MILR1: variants seen among roughly 807,000 people sequenced by gnomAD.
MILR1 encodes the protein allergin-1.
Under a neutral mutation model 18.5 loss-of-function variants are expected in MILR1, and 31 were observed. The observed-to-expected ratio is 1.68, with a 90% CI of 1.26 to 2.26. The LOEUF is 2.26. Ranked by LOEUF, MILR1 falls within the 30% of genes most tolerant of loss-of-function variation. The pLI, the probability that MILR1 is intolerant of heterozygous loss-of-function variation, is 0.00. For synonymous variants in MILR1, 85 were observed against 56.2 expected (o/e 1.51, Z -2.30); for missense variants, 257 against 157.4 (o/e 1.63, Z -3.38).
chr17:64,485,224 G>A, the MILR1 span: 246 of 156,154 alleles, frequency 1.6e-3, 1 homozygote, highest in African/African-American at 3.9e-3. Context: ...TTCTCCTCTC[G>A]ATTTTCTTTG....
intron 3 of MILR1, among the ~76,000 whole-genome samples, chr17:64,454,064 G>A (rs2037236245): frequency 6.6e-6 from 1 of 151,852 alleles, no homozygotes; most frequent in African/African-American, 2.4e-5. Context: ...CGAGTAGCTA[G>A]GATTACAGGC....
At chr17:64,482,853 G>T in the MILR1 span, 1 of 934,856 alleles carries the variant, frequency 1.1e-6, no homozygotes, top group South Asian at 1.3e-5. Flanking sequence ...AATGGTCCTG[G>T]TCCAAAGCGT....
At chr17:64,483,703 A>G in the MILR1 span, among the ~76,000 whole-genome samples, 1 of 150,476 alleles carries the variant, frequency 6.6e-6, no homozygotes, top group African/African-American at 2.4e-5. Context: ...AATGAAAAAA[A>G]TTTTTAAATG....
chr17:64,490,640 T>A, the MILR1 span: 4 of 654,816 alleles, frequency 6.1e-6, no homozygotes, highest in Admixed American at 7.2e-5. Flanking sequence ...CTGATTTTGA[T>A]GACTGGATTG....
chr17:64,477,988 C>T, the MILR1 span: 3 of 1,613,212 alleles, frequency 1.9e-6, no homozygotes, highest in South Asian at 2.2e-5. Flanking sequence ...TTTCATCATA[C>T]CTAAGAAAAA....
chr17:64,453,438 CTT>C (rs2037219288), intron 3 of MILR1, among the ~76,000 whole-genome samples: 1 of 150,394 alleles, frequency 6.6e-6, no homozygotes, highest in Admixed American at 6.7e-5. Flanking sequence ...AGATAATAGT[CTT>C]ATATCTTTAG....
the MILR1 span, chr17:64,480,376 A>G: frequency 6.4e-7 from 1 of 1,559,054 alleles, no homozygotes; most frequent in African/African-American, 1.4e-5. Flanking sequence ...CTCATTAAAT[A>G]GCCCTTGACA....
the MILR1 span, among the ~76,000 whole-genome samples, chr17:64,483,412 G>A: frequency 1.3e-5 from 2 of 151,924 alleles, no homozygotes; most frequent in Admixed American, 6.6e-5. Flanking sequence ...CTACTCAGGC[G>A]GCTGAGGTGG....
At chr17:64,457,199 G>A (rs1050265807) in intron 3 of MILR1, among the ~76,000 whole-genome samples, 7 of 152,068 alleles carry the variant, frequency 4.6e-5, no homozygotes, top group East Asian at 1.9e-4. Context: ...TGAGAACCTC[G>A]GCTAACAACA....
the MILR1 span, chr17:64,496,320 G>C: frequency 3.0e-5 from 24 of 810,944 alleles, no homozygotes; most frequent in Non-Finnish European, 4.5e-5. Flanking sequence ...TGGGAATACA[G>C]GGCCAGTTGC....
chr17:64,457,305 A>T (rs2037320647), intron 3 of MILR1, 95 bp from the exon 4 acceptor site: 1 of 414,272 alleles, frequency 2.4e-6, no homozygotes, highest in Non-Finnish European at 4.4e-6. Context: ...TTGGTTCCAC[A>T]GCCTGGAGTG....
At chr17:64,457,938 C>T (rs1037210860) in intron 4 of MILR1, among the ~76,000 whole-genome samples, 23 of 152,292 alleles carry the variant, frequency 1.5e-4, no homozygotes, top group African/African-American at 5.3e-4. Flanking sequence ...TGCAAACTCT[C>T]ATGGGGTTGC....
intron 4 of MILR1, among the ~76,000 whole-genome samples, chr17:64,459,992 T>TTTA (rs1185991605): frequency 2.8e-4 from 35 of 125,372 alleles, no homozygotes; most frequent in African/African-American, 7.0e-4. Flanking sequence ...TTTTATTTTA[T>TTTA]TTTATTTATT....
the MILR1 span, chr17:64,492,820 T>C: frequency 6.2e-7 from 1 of 1,601,508 alleles, no homozygotes. Context: ...GAAAATTATA[T>C]AATTTATCCC....
the MILR1 span, among the ~76,000 whole-genome samples, chr17:64,487,774 G>A: frequency 1.4e-4 from 22 of 152,220 alleles, no homozygotes; most frequent in Non-Finnish European, 1.8e-4. Context: ...GGCCAGGGCA[G>A]GAGGATCACT....
chr17:64,464,650 A>G (rs2037508476), intron 5 of MILR1, among the ~76,000 whole-genome samples: 1 of 152,208 alleles, frequency 6.6e-6, no homozygotes, highest in African/African-American at 2.4e-5. Flanking sequence ...AATAGAATTC[A>G]GTGAGGCTGG....
intron 3 of MILR1, among the ~76,000 whole-genome samples, chr17:64,455,019 A>G (rs926495887): frequency 3.3e-5 from 5 of 152,110 alleles, no homozygotes; most frequent in African/African-American, 7.2e-5. Context: ...AAAAATCCCA[A>G]TGATCTTTGG....
chr17:64,485,149 C>T, the MILR1 span: 1 of 153,618 alleles, frequency 6.5e-6, no homozygotes, highest in Non-Finnish European at 1.4e-5. Flanking sequence ...TGATCCCATC[C>T]TGACCCCTCC....
chr17:64,454,023 G>A (rs2037234954), intron 3 of MILR1, among the ~76,000 whole-genome samples: 1 of 150,660 alleles, frequency 6.6e-6, no homozygotes, highest in East Asian at 2.0e-4. Context: ...TCCGCCTTTC[G>A]AGTTCAAGCA....
Sources: allele counts gnomAD v4.1 joint callset (sites outside exome capture counted in the v4.1 genomes callset), GRCh38; gene constraint gnomAD v4.1.1; transcripts MANE v1.5; gene names NCBI Gene and HGNC (gene_info 2026-07-23, HGNC 2026-07-21).